The following MICAL2 variants were observed in gnomAD, a reference collection of about 807,000 sequenced individuals.
MICAL2 encodes the protein [F-actin]-monooxygenase MICAL2.
MICAL2 carries 77 observed loss-of-function variants against 127.3 expected under a neutral mutation model. That is an observed-to-expected ratio of 0.60 (90% CI 0.50 to 0.73). The LOEUF (loss-of-function observed/expected upper bound fraction) is 0.73, where lower values mean the gene tolerates loss of function less well. MICAL2 is among the 30% of genes least tolerant of loss of function. The pLI, the probability that MICAL2 is intolerant of heterozygous loss-of-function variation, is 0.00. For missense variants in MICAL2, 1,351 were observed against 1,434.4 expected (o/e 0.94, Z 0.94); for synonymous variants, 570 against 551.1 (o/e 1.03, Z -0.48).
intron 32 of MICAL2, among the ~76,000 whole-genome samples, chr11:12,333,638 A>G (rs558600140): frequency 6.6e-6 from 1 of 152,208 alleles, no homozygotes; most frequent in East Asian, 1.9e-4. Context: ...CCCAAAATGT[A>G]CAAGTAAACT....
At chr11:12,224,417 G>A (rs1857167331) in intron 12 of MICAL2, 2 of 463,316 alleles carry the variant, frequency 4.3e-6, no homozygotes, top group South Asian at 3.6e-5. Context: ...TTGTTGGCAG[G>A]GCCTAAACAC....
chr11:12,179,710 A>G (rs1857215086), intron 3 of MICAL2, among the ~76,000 whole-genome samples: 1 of 152,118 alleles, frequency 6.6e-6, no homozygotes, highest in African/African-American at 2.4e-5. Flanking sequence ...AGTGTCTCTA[A>G]TTCTGCGTCC....
In MICAL2 at chr11:12,220,233, G is replaced by A. The variant is rs753785708; in HGVS notation, c.981G>A (p.Ala327=). ...TCGACACAGAGATGCTGCTGTGTGCGGAGAACGTGAACCAAGACAACCTGC... is the reference window on the plus strand; with the variant it reads ...TCGACACAGAGATGCTGCTGTGTGCAGAGAACGTGAACCAAGACAACCTGC... ...DYIDTEMLLC[A]ENVNQDNLLS... Residue 327 remains alanine, a synonymous_variant, in exon 9 of 28, where the codon GCG becomes GCA. Coordinates refer to ENST00000683283, the MANE Select transcript of MICAL2 (RefSeq NM_001282663.2). 34 of 1,614,028 alleles carry A rather than the reference G, an allele frequency of 2.1e-5. No homozygotes were observed. The highest frequency in any genetic ancestry group is 5.3e-5 in the African/African-American group (4 of 74,912).
intron 2 of MICAL2, among the ~76,000 whole-genome samples, chr11:12,141,698 G>A (rs548236190): frequency 2.0e-5 from 3 of 152,312 alleles, no homozygotes; most frequent in African/African-American, 4.8e-5. Context: ...ATGCCCCAGG[G>A]TACCTGGATT....
intron 7 of MICAL2, among the ~76,000 whole-genome samples, chr11:12,213,860 G>T (rs11022250): frequency 0.58 from 88,832 of 151,934 alleles, 27,763 homozygotes; most frequent in Non-Finnish European, 0.71. Context: ...TCCCGGGTGA[G>T]TTTGTGCAAT....
intron 1 of MICAL2, among the ~76,000 whole-genome samples, chr11:12,132,108 T>C (rs1048592416): frequency 6.6e-6 from 1 of 152,192 alleles, no homozygotes; most frequent in Non-Finnish European, 1.5e-5. Flanking sequence ...TGGGCTGCTC[T>C]GAGGCAACAC....
At chr11:12,340,268 G>T (rs1938838600) in intron 32 of MICAL2, among the ~76,000 whole-genome samples, 1 of 152,144 alleles carries the variant, frequency 6.6e-6, no homozygotes, top group South Asian at 2.1e-4. Flanking sequence ...CTTCACAGAA[G>T]AATACTTAAT....
chr11:12,319,946 C>A, intron 30 of MICAL2: 2 of 614,438 alleles, frequency 3.3e-6, no homozygotes, highest in East Asian at 2.8e-5. Context: ...TGACAGAGTG[C>A]TCTCTTTACC....
intron 29 of MICAL2, among the ~76,000 whole-genome samples, chr11:12,310,983 G>T (rs748726178): frequency 6.6e-6 from 1 of 151,896 alleles, no homozygotes; most frequent in Non-Finnish European, 1.5e-5. Flanking sequence ...AAAGAATCTT[G>T]ATTGATTGCT....
At chr11:12,270,044 C>A (rs959663926) in intron 24 of MICAL2, among the ~76,000 whole-genome samples, 1 of 152,216 alleles carries the variant, frequency 6.6e-6, no homozygotes, top group Non-Finnish European at 1.5e-5. Flanking sequence ...GGTACCTGTG[C>A]CTTTTCCCTA....
intron 29 of MICAL2, among the ~76,000 whole-genome samples, chr11:12,299,741 A>G (rs1019987374): frequency 1.3e-5 from 2 of 152,210 alleles, no homozygotes; most frequent in Non-Finnish European, 2.9e-5. Context: ...TTTTTGCAAA[A>G]TGCACATTTG....
At chr11:12,116,010 T>C (rs1849988642) in intron 1 of MICAL2, among the ~76,000 whole-genome samples, 1 of 149,296 alleles carries the variant, frequency 6.7e-6, no homozygotes, top group African/African-American at 2.5e-5. Flanking sequence ...AGATGGAGTC[T>C]CGCTCTTTCA....
At chr11:12,201,911 G>A (rs1412178596) in intron 3 of MICAL2, among the ~76,000 whole-genome samples, 1 of 152,172 alleles carries the variant, frequency 6.6e-6, no homozygotes, top group African/African-American at 2.4e-5. Context: ...CTGAGGTTGG[G>A]AGTTCAAGAC....
intron 1 of MICAL2, among the ~76,000 whole-genome samples, chr11:12,136,154 G>A (rs1206767518): frequency 6.6e-6 from 1 of 152,110 alleles, no homozygotes; most frequent in Non-Finnish European, 1.5e-5. Flanking sequence ...TCAGGCCCAT[G>A]AGGGACCAGA....
intron 33 of MICAL2, among the ~76,000 whole-genome samples, chr11:12,350,971 C>G (rs961296044): frequency 6.6e-6 from 1 of 152,220 alleles, no homozygotes; most frequent in Non-Finnish European, 1.5e-5. Context: ...GAGTTTGTGG[C>G]TGCATCACTC....
rs771352227 is a variant in MICAL2, at chr11:12,227,143, C to G, written c.1995+12C>G. 3.1e-6 allele frequency: 5 copies of G among 1,590,570 alleles called. No homozygotes were observed. The highest frequency in any genetic ancestry group is 4.5e-5 in the East Asian group (2 of 44,710). ...AGAGGACTCCACGGGTAAGTTTTGG[C>G]CTGGTTTCGGTTTTATTTCCCATTG... is the stretch of plus-strand genomic sequence containing the variant. On this transcript the variant is annotated intron_variant, in intron 15 of 27. Transcript: ENST00000683283.
chr11:12,179,767 A>T (rs914032029), intron 3 of MICAL2, among the ~76,000 whole-genome samples: 1 of 152,184 alleles, frequency 6.6e-6, no homozygotes, highest in Admixed American at 6.5e-5. Flanking sequence ...TGCAGAGCCC[A>T]GCTGGTTGGT....
At chr11:12,160,789 G>C (rs955932901) in intron 2 of MICAL2, among the ~76,000 whole-genome samples, 26 of 152,240 alleles carry the variant, frequency 1.7e-4, no homozygotes, top group African/African-American at 6.0e-4. Context: ...CCCTGTGGGC[G>C]GGGCCTGAGC....
chr11:12,145,045 G>A (rs1440506804), intron 2 of MICAL2, among the ~76,000 whole-genome samples: 1 of 152,192 alleles, frequency 6.6e-6, no homozygotes, highest in Non-Finnish European at 1.5e-5. Context: ...ACATCCTGAT[G>A]AAGGAAGGAA....
Sources: gnomAD v4.1 joint callset for allele counts (sites outside exome capture counted in the v4.1 genomes callset) on GRCh38, gnomAD v4.1.1 for gene constraint, MANE v1.5 for transcripts, NCBI Gene and HGNC (gene_info 2026-07-23, HGNC 2026-07-21) for gene names.